Variants in NLGN1 observed in about 807,000 individuals in gnomAD.
The protein encoded by NLGN1 is neuroligin 1.
Under a neutral mutation model 65.5 loss-of-function variants are expected in NLGN1, and 12 were observed. That is an observed-to-expected ratio of 0.18 (90% confidence interval 0.12 to 0.30). The LOEUF is 0.30. Among genes scored for constraint, NLGN1 ranks in the 10% least tolerant of loss-of-function variants. NLGN1 has a pLI of 1.00. For synonymous variants in NLGN1, 350 were observed against 359.5 expected, an observed-to-expected ratio of 0.97 and a Z score of 0.30; for missense variants, 750 against 1,007.1, an observed-to-expected ratio of 0.74 and a Z score of 3.46.
At chr3:173,844,857 C>T (rs542536626) in intron 4 of NLGN1, among the ~76,000 whole-genome samples, 2 of 152,204 alleles carry the variant, frequency 1.3e-5, no homozygotes, top group Non-Finnish European at 2.9e-5. Flanking sequence ...GTTGTCACTA[C>T]ATTTAAGGCG....
chr3:174,178,581 C>T (rs78078385), intron 4 of NLGN1, among the ~76,000 whole-genome samples: 3,443 of 152,058 alleles, frequency 0.023, 50 homozygotes, highest in African/African-American at 0.04. Context: ...CTAAGTGCAA[C>T]GACATAAAAA....
At chr3:173,868,125 A>G (rs1383321703) in intron 4 of NLGN1, among the ~76,000 whole-genome samples, 2 of 152,168 alleles carry the variant, frequency 1.3e-5, no homozygotes, top group Non-Finnish European at 2.9e-5. Flanking sequence ...ACATGAAGGA[A>G]AAGGGTAACT....
At chr3:173,963,078 T>C (rs190515336) in intron 4 of NLGN1, among the ~76,000 whole-genome samples, 1 of 152,154 alleles carries the variant, frequency 6.6e-6, no homozygotes, top group Non-Finnish European at 1.5e-5. Flanking sequence ...CTACCATTTA[T>C]TACACTCTTG....
intron 4 of NLGN1, among the ~76,000 whole-genome samples, chr3:173,866,298 G>A (rs1487660764): frequency 6.6e-6 from 1 of 152,164 alleles, no homozygotes; most frequent in Non-Finnish European, 1.5e-5. Flanking sequence ...GTTGCAGTGA[G>A]TTGAGATTGC....
At chr3:173,514,607 A>G (rs1733528964) in intron 2 of NLGN1, among the ~76,000 whole-genome samples, 1 of 152,170 alleles carries the variant, frequency 6.6e-6, no homozygotes, top group Non-Finnish European at 1.5e-5. Flanking sequence ...ACGTATCAAG[A>G]ATTTATTCAT....
intron 4 of NLGN1, among the ~76,000 whole-genome samples, chr3:173,978,807 C>A (rs867172572): frequency 7.1e-6 from 1 of 141,340 alleles, no homozygotes; most frequent in Non-Finnish European, 1.5e-5. Flanking sequence ...ACCAGCCTGG[C>A]TAACATGGTG....
chr3:173,997,358 A>G (rs1722472984), intron 4 of NLGN1, among the ~76,000 whole-genome samples: 1 of 152,120 alleles, frequency 6.6e-6, no homozygotes. Context: ...TAATTGATCC[A>G]TATTAATTGA....
At chr3:173,883,773 C>G (rs1221627569) in intron 4 of NLGN1, among the ~76,000 whole-genome samples, 1 of 138,422 alleles carries the variant, frequency 7.2e-6, no homozygotes, top group Non-Finnish European at 1.6e-5. Flanking sequence ...ATGATACTTT[C>G]AAAATAATTG....
At chr3:173,824,182 C>G (rs1363028816) in intron 4 of NLGN1, among the ~76,000 whole-genome samples, 1 of 152,026 alleles carries the variant, frequency 6.6e-6, no homozygotes, top group Non-Finnish European at 1.5e-5. Context: ...ATTCTGAGAG[C>G]TGAATACTTG....
At chr3:173,840,515 G>T (rs1724577651) in intron 4 of NLGN1, among the ~76,000 whole-genome samples, 1 of 152,136 alleles carries the variant, frequency 6.6e-6, no homozygotes, top group Non-Finnish European at 1.5e-5. Flanking sequence ...CTTAGAGTGG[G>T]TTGACATCTG....
intron 3 of NLGN1, among the ~76,000 whole-genome samples, chr3:173,759,559 C>G (rs1777647391): frequency 6.6e-6 from 1 of 151,898 alleles, no homozygotes; most frequent in African/African-American, 2.4e-5. Flanking sequence ...TGAGAGTACT[C>G]TATTACATGG....
chr3:173,529,727 AATAAAG>A (rs1736233499), intron 2 of NLGN1, among the ~76,000 whole-genome samples: 1 of 152,140 alleles, frequency 6.6e-6, no homozygotes, highest in African/African-American at 2.4e-5. Flanking sequence ...TGTTCCACCC[AATAAAG>A]ACGGCTTTGT....
chr3:173,617,468 T>A (rs1432012012), intron 3 of NLGN1, among the ~76,000 whole-genome samples: 1 of 152,204 alleles, frequency 6.6e-6, no homozygotes, highest in African/African-American at 2.4e-5. Flanking sequence ...TTTATTTGAG[T>A]AATACTACAC....
intron 4 of NLGN1, among the ~76,000 whole-genome samples, chr3:173,858,010 A>G (rs1288386236): frequency 7.0e-6 from 1 of 142,458 alleles, no homozygotes; most frequent in Non-Finnish European, 1.5e-5. Context: ...GTGAACAATT[A>G]CTAAAAATTG....
chr3:173,446,326 T>C (rs1010298126), intron 2 of NLGN1, among the ~76,000 whole-genome samples: 2 of 152,094 alleles, frequency 1.3e-5, no homozygotes, highest in Non-Finnish European at 2.9e-5. Context: ...TTGGTTTTTT[T>C]GTCCTTGCAA....
In NLGN1 at chr3:174,278,842, TTTG is replaced by T. The variant is rs766301368; in HGVS notation, c.860-15_860-13del. The T allele has an allele frequency of 6.8e-7, 1 of 1,470,284 alleles. No homozygotes were observed. Among genetic ancestry groups the T allele is most frequent in the Non-Finnish European group, 9.0e-7 (1 of 1,110,736 alleles). The allele number at this position is 1,470,284 out of a possible 1,614,324, so 91.1% of individuals were successfully genotyped here. A position where few individuals can be genotyped will look rare whatever the true frequency, so the allele number is the denominator to read the frequency against. ...ATTACCCAAAGATCATCTAAAATTC[TTTG>T]TTGATTTTCCCATAGGACTTTTTCA... is the stretch of plus-strand genomic sequence containing the variant. On this transcript the variant is annotated splice_polypyrimidine_tract_variant and intron_variant, in intron 5 of 6. Transcript: ENST00000457714.
At chr3:173,747,236 TA>T (rs1285816294) in intron 3 of NLGN1, among the ~76,000 whole-genome samples, 9 of 146,330 alleles carry the variant, frequency 6.2e-5, no homozygotes, top group Non-Finnish European at 1.3e-4. Flanking sequence ...TAAATATATA[TA>T]TCTTTAAGTA....
At chr3:173,789,753 C>T (rs747410356) in intron 3 of NLGN1, 13 of 441,162 alleles carry the variant, frequency 2.9e-5, no homozygotes, top group African/African-American at 1.0e-4. Flanking sequence ...GCATAATGTA[C>T]GGTGTTCCAC....
chr3:174,095,413 C>G (rs1468372373), intron 4 of NLGN1, among the ~76,000 whole-genome samples: 1 of 151,638 alleles, frequency 6.6e-6, no homozygotes, highest in Non-Finnish European at 1.5e-5. Flanking sequence ...AAAAAGTATG[C>G]TAAATTAGAT....
Sources: allele counts gnomAD v4.1 joint callset (sites outside exome capture counted in the v4.1 genomes callset), GRCh38; gene constraint gnomAD v4.1.1; transcripts MANE v1.5; gene names NCBI Gene and HGNC (gene_info 2026-07-23, HGNC 2026-07-21).